LHFPL4: variants seen among roughly 807,000 people sequenced by gnomAD.
The protein encoded by LHFPL4 is LHFPL tetraspan subfamily member 4, also known as LHFPL tetraspan subfamily member 4 protein.
In LHFPL4, 6 loss-of-function variants were observed where a neutral mutation model predicts 20.0. That is an observed-to-expected ratio of 0.30 (90% CI 0.16 to 0.59). The LOEUF is 0.59. Among genes scored for constraint, LHFPL4 ranks in the 20% least tolerant of loss-of-function variants. The pLI is 0.88. For missense variants in LHFPL4, 215 were observed against 331.2 expected, an observed-to-expected ratio of 0.65 and a Z score of 2.72; for synonymous variants, 129 against 143.8, an observed-to-expected ratio of 0.90 and a Z score of 0.74.
chr3:9,515,107 T>C (rs190984625), intron 2 of LHFPL4, among the ~76,000 whole-genome samples: 1 of 152,332 alleles, frequency 6.6e-6, no homozygotes, highest in Admixed American at 6.5e-5. Flanking sequence ...TATAGCATTT[T>C]GCATTCCCAC....
intron 2 of LHFPL4, among the ~76,000 whole-genome samples, chr3:9,532,982 G>T (rs2046420067): frequency 6.6e-6 from 1 of 152,168 alleles, no homozygotes; most frequent in African/African-American, 2.4e-5. Context: ...GACAGTGCGG[G>T]GCTGCAGAAG....
At chr3:9,524,619 A>C (rs953989694) in intron 2 of LHFPL4, among the ~76,000 whole-genome samples, 2 of 151,922 alleles carry the variant, frequency 1.3e-5, no homozygotes, top group Non-Finnish European at 2.9e-5. Context: ...TAGTATTTCC[A>C]TCTCTCTGCT....
intron 2 of LHFPL4, among the ~76,000 whole-genome samples, chr3:9,520,018 C>G (rs1174546759): frequency 6.6e-6 from 1 of 152,106 alleles, no homozygotes; most frequent in Admixed American, 6.6e-5. Flanking sequence ...CTTTTTCTAG[C>G]TTCCTAATTT....
At chr3:9,533,520 C>T (rs1014702599) in intron 2 of LHFPL4, among the ~76,000 whole-genome samples, 1 of 152,206 alleles carries the variant, frequency 6.6e-6, no homozygotes, top group Admixed American at 6.5e-5. Context: ...CGGTGGCTCA[C>T]GCCTGTAATC....
intron 2 of LHFPL4, among the ~76,000 whole-genome samples, chr3:9,511,392 C>T (rs896735784): frequency 3.3e-5 from 5 of 152,006 alleles, no homozygotes; most frequent in Admixed American, 1.3e-4. Flanking sequence ...AAATACCACC[C>T]TCATTATACG....
At chr3:9,527,546 T>A (rs1025091501) in intron 2 of LHFPL4, among the ~76,000 whole-genome samples, 4 of 151,928 alleles carry the variant, frequency 2.6e-5, no homozygotes, top group African/African-American at 9.7e-5. Flanking sequence ...TGAAACCCCA[T>A]CTCTACAAAA....
chr3:9,503,355 G>C (rs1410327680), intron 3 of LHFPL4, among the ~76,000 whole-genome samples: 1 of 152,238 alleles, frequency 6.6e-6, no homozygotes, highest in Non-Finnish European at 1.5e-5. Flanking sequence ...AGAAAGGCCA[G>C]ATCTCAGTCT....
Position 9,541,315 on chromosome 3 carries a change from G to A in LHFPL4, c.406+10959C>T, listed in dbSNP as rs149837052. Among the ~76,000 whole-genome samples, 28 of 152,214 alleles carry A rather than the reference G, an allele frequency of 1.8e-4. No homozygotes were observed. In the East Asian group the frequency reaches 5.2e-3, roughly 28 times the overall value. On this transcript the variant is annotated intron_variant, in intron 2 of 3. Transcript: ENST00000287585. ...ATAGACCAATGGAATAGAATTGAGA[G>A]TCTAGAAAGCAATCTATGTATCTAT...
intron 2 of LHFPL4, among the ~76,000 whole-genome samples, chr3:9,543,092 A>G (rs2046487942): frequency 6.6e-6 from 1 of 152,196 alleles, no homozygotes; most frequent in African/African-American, 2.4e-5. Context: ...CATATGAATT[A>G]TATCTCAATA....
intron 2 of LHFPL4, among the ~76,000 whole-genome samples, chr3:9,515,065 A>T: frequency 6.6e-6 from 1 of 152,202 alleles, no homozygotes; most frequent in East Asian, 1.9e-4. Context: ...ATTTATTTTT[A>T]TAAGAAACTG....
chr3:9,512,653 G>A (rs1372728644), intron 2 of LHFPL4, among the ~76,000 whole-genome samples: 5 of 152,218 alleles, frequency 3.3e-5, no homozygotes, highest in African/African-American at 4.8e-5. Context: ...GCAGTCAGAT[G>A]TGACCATATG....
intron 2 of LHFPL4, among the ~76,000 whole-genome samples, chr3:9,529,537 A>G (rs1395266732): frequency 1.3e-5 from 2 of 152,252 alleles, no homozygotes; most frequent in Non-Finnish European, 2.9e-5. Context: ...GCAGGCATGA[A>G]AACAGCATTA....
chr3:9,539,080 T>C (rs2046461333), intron 2 of LHFPL4, among the ~76,000 whole-genome samples: 1 of 152,144 alleles, frequency 6.6e-6, no homozygotes, highest in African/African-American at 2.4e-5. Flanking sequence ...TCAGATATCA[T>C]CATTAATTCA....
At chr3:9,549,896 A>G (rs1174039275) in intron 2 of LHFPL4, among the ~76,000 whole-genome samples, 1 of 151,994 alleles carries the variant, frequency 6.6e-6, no homozygotes, top group Non-Finnish European at 1.5e-5. Flanking sequence ...TTTTTTACTT[A>G]TTTTATGTTA....
At position 9,504,211 on chromosome 3, in the gene LHFPL4, G is replaced by A. The variant is rs1198261120; in HGVS notation, c.643+1756C>T. On this transcript the variant is annotated intron_variant, in intron 3 of 3. Coordinates refer to ENST00000287585, the MANE Select transcript of LHFPL4 (RefSeq NM_198560.3). ...CATGGTGAAACCCCATCTCTACTAA[G>A]AATACAACAGTTAGCTGGGTGTGGT... 4.6e-5 allele frequency among the ~76,000 whole-genome samples: 7 copies of A among 151,224 alleles called. No homozygotes were observed. The South Asian group carries it at 1.3e-3, about 27-fold the overall frequency.
At chr3:9,534,131 C>A (rs138708335) in intron 2 of LHFPL4, among the ~76,000 whole-genome samples, 5 of 150,918 alleles carry the variant, frequency 3.3e-5, no homozygotes, top group African/African-American at 9.7e-5. Flanking sequence ...GCAGGAGAAT[C>A]ATTTGAACCT....
rs548640153 is a variant in LHFPL4, at chr3:9,512,150, C to G, written c.407-5947G>C. 2.0e-5 allele frequency among the ~76,000 whole-genome samples: 3 copies of G among 152,322 alleles called. No individual in the cohort carries two copies. In the South Asian group the frequency reaches 6.2e-4, roughly 32 times the overall value. On this transcript the variant is annotated intron_variant, in intron 2 of 3. Coordinates refer to ENST00000287585, the MANE Select transcript of LHFPL4 (RefSeq NM_198560.3). ...GGTTTCAAGTGTTAGCCAGGATGGT[C>G]TCGATCTCCTGACCTCGTGATCCAC...
chr3:9,542,689 G>C (rs1309575195), intron 2 of LHFPL4, among the ~76,000 whole-genome samples: 1 of 150,868 alleles, frequency 6.6e-6, no homozygotes, highest in African/African-American at 2.4e-5. Context: ...CGTGCCAGTA[G>C]TCCCAGCTAC....
chr3:9,546,176 G>A (rs2125667795), intron 2 of LHFPL4, among the ~76,000 whole-genome samples: 1 of 151,780 alleles, frequency 6.6e-6, no homozygotes, highest in East Asian at 2.0e-4. Flanking sequence ...TTAGCCAGGT[G>A]TGGTGGCACG....
Sources: gnomAD v4.1 joint callset for allele counts (sites outside exome capture counted in the v4.1 genomes callset) on GRCh38, gnomAD v4.1.1 for gene constraint, MANE v1.5 for transcripts, NCBI Gene and HGNC (gene_info 2026-07-23, HGNC 2026-07-21) for gene names.